DMD: variants seen among roughly 807,000 people sequenced by gnomAD.
DMD encodes the protein dystrophin, also known as mutant dystrophin.
A neutral mutation model predicts 330.1 loss-of-function variants in DMD; 63 were observed. The ratio of observed to expected loss-of-function variants is 0.19; its 90% CI spans 0.16 to 0.24. The LOEUF (loss-of-function observed/expected upper bound fraction) is 0.24. Ranked by LOEUF, DMD falls within the 10% of genes least tolerant of loss-of-function variation. DMD has a pLI of 1.00. For synonymous variants in DMD, 1,223 were observed against 959.8 expected (o/e 1.27, Z -5.07); for missense variants, 3,344 against 2,684.1 (o/e 1.25, Z -5.43).
intron 60 of DMD, among the ~76,000 whole-genome samples, chrX:31,422,208 C>T (rs7890659): frequency 0.027 from 2,874 of 108,132 alleles, 97 homozygotes; most frequent in African/African-American, 0.092. Flanking sequence ...CGGGGTTTCA[C>T]CATGTTGGCC....
chrX:31,886,295 AG>A (rs1471150438), intron 47 of DMD, among the ~76,000 whole-genome samples: 2 of 111,480 alleles, frequency 1.8e-5, no homozygotes. Flanking sequence ...AAAATATGGG[AG>A]GCTATTCTTA....
At position 31,583,176 on chromosome X, in the gene DMD, C is replaced by T. The variant is rs368771016; in HGVS notation, c.8217+44497G>A. Among the ~76,000 whole-genome samples, 5 of 112,076 alleles carry T rather than the reference C, an allele frequency of 4.5e-5. No individual in the cohort carries two copies. In the East Asian group the frequency reaches 8.4e-4, roughly 19 times the overall value. On this transcript the variant is annotated intron_variant, in intron 55 of 78. Coordinates refer to ENST00000357033, the MANE Select transcript of DMD (RefSeq NM_004006.3). ...AATATAGAAGTTCACTGGGGAGTTGCAGATGTCAATGTAGAATGGCCAAGA... is the reference window on the plus strand; with the variant it reads ...AATATAGAAGTTCACTGGGGAGTTGTAGATGTCAATGTAGAATGGCCAAGA...
rs749144168 is a variant in DMD at position 33,046,343 on chromosome X, C to T, written c.32-26143G>A. Among the ~76,000 whole-genome samples, 169 of 111,330 alleles carry T rather than the reference C, an allele frequency of 1.5e-3. 1 individual carries two copies. The highest frequency in any genetic ancestry group is 5.3e-3 in the African/African-American group (161 of 30,650). On this transcript the variant is annotated intron_variant, in intron 1 of 78. Transcript: ENST00000357033. ...TTAGCCCACTTAAATTTGTGTGATA[C>T]TGAAATTTTTTTTTCCTGCTACAGA...
chrX:31,511,387 T>C (rs1464818943), intron 55 of DMD, among the ~76,000 whole-genome samples: 1 of 105,880 alleles, frequency 9.4e-6, no homozygotes, highest in Non-Finnish European at 1.9e-5. Flanking sequence ...AACGTGCAGG[T>C]TAGTTACATA....
intron 41 of DMD, among the ~76,000 whole-genome samples, chrX:32,335,085 T>A (rs1335336872): frequency 9.0e-6 from 1 of 111,418 alleles, no homozygotes; most frequent in East Asian, 2.8e-4. Flanking sequence ...TCAAACTAGA[T>A]GCATGTGAAA....
At chrX:31,434,601 GAGA>G (rs1325345565) in intron 60 of DMD, among the ~76,000 whole-genome samples, 3 of 111,410 alleles carry the variant, frequency 2.7e-5, no homozygotes, top group African/African-American at 6.5e-5. Context: ...CATGAGGGCA[GAGA>G]AGGTCTGTCT....
intron 44 of DMD, among the ~76,000 whole-genome samples, chrX:32,027,860 C>A (rs1369285452): frequency 1.8e-5 from 2 of 112,575 alleles, no homozygotes; most frequent in African/African-American, 6.5e-5. Flanking sequence ...CTTTCATCTA[C>A]CACAGATTTA....
chrX:32,405,177 T>G (rs762225825), intron 30 of DMD, among the ~76,000 whole-genome samples: 71 of 111,739 alleles, frequency 6.4e-4, no homozygotes, highest in African/African-American at 2.3e-3. Context: ...AATAAAAAAG[T>G]TTCCAAAAAT....
chrX:32,701,266 T>A (rs1603175510), intron 7 of DMD, among the ~76,000 whole-genome samples: 1 of 112,312 alleles, frequency 8.9e-6, no homozygotes, highest in South Asian at 3.6e-4. Context: ...TTTATTCATT[T>A]ATTCAAATGA....
chrX:31,690,582 T>C (rs1409638236), intron 52 of DMD, among the ~76,000 whole-genome samples: 2 of 111,945 alleles, frequency 1.8e-5, no homozygotes. Flanking sequence ...GATCTAGAAC[T>C]AGAAATACCA....
intron 1 of DMD, among the ~76,000 whole-genome samples, chrX:33,050,222 T>C (rs1569551654): frequency 8.9e-6 from 1 of 111,850 alleles, no homozygotes; most frequent in African/African-American, 3.2e-5. Flanking sequence ...AGATATTTGC[T>C]AATAAATAAT....
intron 62 of DMD, among the ~76,000 whole-genome samples, chrX:31,319,670 C>T (rs748218426): frequency 8.9e-6 from 1 of 112,424 alleles, no homozygotes; most frequent in Non-Finnish European, 1.9e-5. Context: ...GACAGAGTTC[C>T]GGGCTAGTTG....
chrX:31,156,638 A>G (rs2038152718), intron 74 of DMD, among the ~76,000 whole-genome samples: 1 of 112,013 alleles, frequency 8.9e-6, no homozygotes, highest in African/African-American at 3.2e-5. Context: ...TATATGTCAA[A>G]CTTTCTTTGA....
intron 55 of DMD, among the ~76,000 whole-genome samples, chrX:31,509,903 T>C (rs1367150049): frequency 8.9e-6 from 1 of 112,393 alleles, no homozygotes; most frequent in Non-Finnish European, 1.9e-5. Flanking sequence ...TTTTGTTTAA[T>C]TCGTTTATAT....
chrX:32,306,789 G>A (rs2097541978), intron 42 of DMD, among the ~76,000 whole-genome samples: 1 of 110,841 alleles, frequency 9.0e-6, no homozygotes, highest in South Asian at 3.8e-4. Context: ...GAAGGGATGT[G>A]GGCAGATATC....
At chrX:32,992,351 A>C (rs1288008133) in intron 2 of DMD, among the ~76,000 whole-genome samples, 3 of 111,952 alleles carry the variant, frequency 2.7e-5, no homozygotes, top group African/African-American at 6.5e-5. Context: ...ACATTTCCTC[A>C]TGTACCTGGA....
intron 44 of DMD, among the ~76,000 whole-genome samples, chrX:32,171,021 A>G (rs2096885769): frequency 8.9e-6 from 1 of 111,863 alleles, no homozygotes; most frequent in Non-Finnish European, 1.9e-5. Context: ...AAAATTAGTC[A>G]TACTGTGGTG....
intron 48 of DMD, among the ~76,000 whole-genome samples, chrX:31,874,221 C>T (rs2093934570): frequency 9.0e-6 from 1 of 111,001 alleles, no homozygotes; most frequent in Admixed American, 9.6e-5. Flanking sequence ...TGAAAGAAGT[C>T]ATTTAAAGAA....
chrX:33,012,799 G>T (rs2093725722), intron 2 of DMD, among the ~76,000 whole-genome samples: 1 of 111,139 alleles, frequency 9.0e-6, no homozygotes, highest in African/African-American at 3.3e-5. Flanking sequence ...TGTTTCGAAG[G>T]TTAGGTATAT....
Sources: allele counts gnomAD v4.1 joint callset (sites outside exome capture counted in the v4.1 genomes callset), GRCh38; gene constraint gnomAD v4.1.1; transcripts MANE v1.5; gene names NCBI Gene and HGNC (gene_info 2026-07-23, HGNC 2026-07-21).